Variants in CCZ1 observed in about 807,000 individuals in gnomAD.
The protein encoded by CCZ1 is CCZ1 vacuolar protein trafficking and biogenesis associated.
CCZ1 carries 19 observed loss-of-function variants against 57.8 expected under a neutral mutation model. That is an observed-to-expected ratio of 0.33 (90% confidence interval 0.23 to 0.48). The LOEUF (loss-of-function observed/expected upper bound fraction) is 0.48, where lower values mean the gene tolerates loss of function less well. CCZ1 is among the 20% of genes least tolerant of loss of function. The probability of loss-of-function intolerance (pLI) is 0.99; values close to 1 mark genes in which losing one functional copy is unlikely to be tolerated. For missense variants in CCZ1, 200 were observed against 492.0 expected (o/e 0.41, Z 5.61); for synonymous variants, 81 against 167.0 (o/e 0.49, Z 3.97).
intron 7 of CCZ1, among the ~76,000 whole-genome samples, chr7:5,905,555 G>A (rs2528325): frequency 3.5e-4 from 50 of 144,878 alleles, no homozygotes; most frequent in Non-Finnish European, 6.4e-4. Context: ...AGGCTGAGGC[G>A]GGTGAATCAC....
intron 9 of CCZ1, among the ~76,000 whole-genome samples, chr7:5,912,377 CTTTTTTTTTTTTTTTT>C (rs4036238): frequency 3.7e-5 from 2 of 54,672 alleles, no homozygotes; most frequent in African/African-American, 7.9e-5. Flanking sequence ...TCAGCATACC[CTTTTTTTTTTTTTTTT>C]TTTTTTTTTT....
At chr7:5,905,871 T>A (rs1393989559) in intron 7 of CCZ1, among the ~76,000 whole-genome samples, 1 of 142,044 alleles carries the variant, frequency 7.0e-6, no homozygotes, top group South Asian at 2.4e-4. Flanking sequence ...TTTTTTTTTT[T>A]TCTGAAATGA....
chr7:5,909,494 C>CA (rs1482849118), intron 7 of CCZ1, among the ~76,000 whole-genome samples: 2 of 144,942 alleles, frequency 1.4e-5, no homozygotes, highest in East Asian at 4.0e-4. Flanking sequence ...TTGAGTCCAG[C>CA]AGTTCGAAAC....
intron 12 of CCZ1, among the ~76,000 whole-genome samples, chr7:5,922,827 G>A (rs1236390952): frequency 1.4e-5 from 2 of 148,080 alleles, no homozygotes; most frequent in East Asian, 2.0e-4. Context: ...CGCACTGTGG[G>A]AGGAACGAGG....
chr7:5,910,253 G>T, intron 8 of CCZ1, 137 bp downstream of exon 8: 1 of 755,618 alleles, frequency 1.3e-6, no homozygotes, highest in Non-Finnish European at 2.1e-6. Context: ...TTGTGTCACT[G>T]TATATCAATT....
rs1327769405 is a variant in CCZ1 at position 5,900,710 on chromosome 7, C to T, written c.312+144C>T. 6 of 1,469,484 alleles carry T rather than the reference C, an allele frequency of 4.1e-6. No individual in the cohort carries two copies. The East Asian group carries it at 9.8e-5, about 24-fold the overall frequency. The allele number at this position is 1,469,484 out of a possible 1,614,324, so 91.0% of individuals were successfully genotyped here. On this transcript the variant is annotated intron_variant, in intron 3 of 14. Transcript: ENST00000325974. Reference sequence around the variant, plus strand: ...TTGGTTGCAATTTTAAAATCAAGTTCTTCCTATTTGCTTTATTCATTCTTG... The same window carrying T: ...TTGGTTGCAATTTTAAAATCAAGTTTTTCCTATTTGCTTTATTCATTCTTG...
chr7:5,904,599 G>A (rs1425398650), intron 6 of CCZ1, among the ~76,000 whole-genome samples: 10 of 146,702 alleles, frequency 6.8e-5, no homozygotes, highest in Middle Eastern at 3.5e-3. Context: ...TTGGGAGGCC[G>A]AGGCAGGCAG....
rs1440400404 is a variant in CCZ1, at chr7:5,910,679, T to C, written c.780+563T>C. 3.3e-5 allele frequency among the ~76,000 whole-genome samples: 4 copies of C among 121,168 alleles called. No homozygotes were observed. In the South Asian group the frequency reaches 1.0e-3, roughly 31 times the overall value. 79.5% of individuals were successfully genotyped at this position (121,168 alleles called of 152,430 possible). ...CATTGAGTAGAGGAAAATTGGATTT[T>C]ACTTTACTTTTAATTTATGTATTTT... On this transcript the variant is annotated intron_variant, in intron 8 of 14. Transcript: ENST00000325974.
At chr7:5,905,910 T>A (rs1781804496) in intron 7 of CCZ1, among the ~76,000 whole-genome samples, 1 of 137,044 alleles carries the variant, frequency 7.3e-6, no homozygotes, top group Admixed American at 7.3e-5. Flanking sequence ...ACCTTTTTTT[T>A]TTTTTTTCTT....
chr7:5,920,596 T>C (rs1210836098), intron 12 of CCZ1, among the ~76,000 whole-genome samples: 2 of 133,004 alleles, frequency 1.5e-5, no homozygotes, highest in Non-Finnish European at 3.4e-5. Flanking sequence ...CTCATCCTCT[T>C]GAGTAGCTGG....
intron 8 of CCZ1, 111 bp downstream of exon 8, chr7:5,910,227 T>C: frequency 1.0e-6 from 1 of 960,488 alleles, no homozygotes; most frequent in Non-Finnish European, 1.6e-6. Flanking sequence ...ATGTATGTTT[T>C]GTCTTACTGT....
In CCZ1 at chr7:5,914,459, G is replaced by A. The variant is rs562991789; in HGVS notation, c.954+1505G>A. Among the ~76,000 whole-genome samples, 96 of 148,836 alleles carry A rather than the reference G, an allele frequency of 6.5e-4. 6 individuals are homozygous for A. Among genetic ancestry groups the A allele is most frequent in the African/African-American group, 2.2e-3 (88 of 40,260 alleles). ...AAAAATAATGAAACTGGTATCAACA[G>A]TTTCATATCCAGCACCAGACATTAT... On this transcript the variant is annotated intron_variant, in intron 10 of 14. Transcript: ENST00000325974.
intron 1 of CCZ1, among the ~76,000 whole-genome samples, chr7:5,899,334 G>GGGTGTGTGGGT (rs1781626415): frequency 4.8e-4 from 6 of 12,556 alleles, no homozygotes; most frequent in African/African-American, 1.4e-3. Context: ...TCGGGAGGGG[G>GGGTGTGTGGGT]GTGTGTGTGT....
chr7:5,904,329 G>C (rs6979129), intron 6 of CCZ1, among the ~76,000 whole-genome samples: 2,490 of 142,904 alleles, frequency 0.017, 153 homozygotes, highest in African/African-American at 0.064. Context: ...CAAGTGATGT[G>C]CCCGCCTTGG....
rs1234156860 is a variant in CCZ1 at position 5,904,282 on chromosome 7, T to C, written c.523-812T>C. 1.9e-4 allele frequency among the ~76,000 whole-genome samples: 26 copies of C among 139,844 alleles called. 1 individual carries two copies. The highest frequency in any genetic ancestry group is 1.7e-3 in the Admixed American group (25 of 14,444). The allele number at this position is 139,844 out of a possible 152,430, so 91.7% of individuals were successfully genotyped here. A position where few individuals can be genotyped will look rare whatever the true frequency, so the allele number is the denominator to read the frequency against. On this transcript the variant is annotated intron_variant, in intron 6 of 14. Coordinates refer to ENST00000325974, the MANE Select transcript of CCZ1 (RefSeq NM_015622.6). ...TGTAATTTTATTAGAGACGGGGTTTTGTCATGTTGGCGAGGCTGGTCTCAA... is the reference window on the plus strand; with the variant it reads ...TGTAATTTTATTAGAGACGGGGTTTCGTCATGTTGGCGAGGCTGGTCTCAA...
Position 5,905,236 on chromosome 7 carries a change from A to G in CCZ1, c.665A>G (p.Tyr222Cys), listed in dbSNP as rs1781776523. The change falls in exon 7 of 15, where the codon TAC becomes TGC. Residue 222 changes from tyrosine to cysteine, a missense_variant. Tyr to Cys is a radical substitution (Grantham distance 194, BLOSUM62 -2). Coordinates refer to ENST00000325974, the MANE Select transcript of CCZ1 (RefSeq NM_015622.6). ...RMEESLNIVKYTAFLYNDQLI... is the reference protein window; with the variant it reads ...RMEESLNIVKCTAFLYNDQLI... Reference sequence around the variant, plus strand: ...GAGGAAAGCCTGAATATAGTCAAATACACTGCTTTTCTCTATAACGATCAG... The same window carrying G: ...GAGGAAAGCCTGAATATAGTCAAATGCACTGCTTTTCTCTATAACGATCAG... 1 of 1,550,012 alleles carries G rather than the reference A, an allele frequency of 6.5e-7. No individual in the cohort carries two copies. Among genetic ancestry groups the G allele is most frequent in the African/African-American group, 1.5e-5 (1 of 67,092 alleles).
intron 12 of CCZ1, among the ~76,000 whole-genome samples, chr7:5,920,774 G>GC (rs1779225841): frequency 9.6e-6 from 1 of 104,174 alleles, no homozygotes; most frequent in Non-Finnish European, 2.0e-5. Flanking sequence ...ACCCGGCCAT[G>GC]CTTATCTTTT....
At chr7:5,902,939 C>G (rs1262930617) in intron 6 of CCZ1, among the ~76,000 whole-genome samples, 195 bp downstream of exon 6, 1 of 148,732 alleles carries the variant, frequency 6.7e-6, no homozygotes, top group Non-Finnish European at 1.5e-5. Context: ...TTCCCTCCAG[C>G]TGTGGTGTAA....
At chr7:5,922,881 G>A (rs542404958) in intron 12 of CCZ1, among the ~76,000 whole-genome samples, 23 of 150,290 alleles carry the variant, frequency 1.5e-4, no homozygotes, top group Admixed American at 1.5e-3. Flanking sequence ...TTACGGTAAA[G>A]GACCCAATAA....
Sources: gnomAD v4.1 joint callset for allele counts (sites outside exome capture counted in the v4.1 genomes callset) on GRCh38, gnomAD v4.1.1 for gene constraint, MANE v1.5 for transcripts, NCBI Gene and HGNC (gene_info 2026-07-23, HGNC 2026-07-21) for gene names.